The following PTPN23 variants were observed in gnomAD, a reference collection of about 807,000 sequenced individuals.
PTPN23 encodes the protein protein tyrosine phosphatase non-receptor type 23, also known as tyrosine-protein phosphatase non-receptor type 23.
Under a neutral mutation model 156.3 loss-of-function variants are expected in PTPN23, and 72 were observed. The observed-to-expected ratio is 0.46, with a 90% CI of 0.38 to 0.56. PTPN23 has a LOEUF of 0.56. PTPN23 is among the 20% of genes least tolerant of loss of function. PTPN23 has a pLI of 0.00. For missense variants in PTPN23, 1,974 were observed against 2,171.5 expected (o/e 0.91, Z 1.81); for synonymous variants, 957 against 899.6 (o/e 1.06, Z -1.14).
intron 23 of PTPN23, 27 bp from the exon 24 acceptor site, chr3:47,412,487 C>G (rs1270164328): frequency 6.2e-7 from 1 of 1,611,706 alleles, no homozygotes; most frequent in Non-Finnish European, 8.5e-7. Context: ...CCCTGCCCAG[C>G]TGACCTGGCC....
rs1213907326 is a variant in PTPN23 at position 47,411,550 on chromosome 3, G to C, written c.3752G>C (p.Gly1251Ala). Residue 1251 changes from glycine to alanine, a missense_variant, in exon 20 of 25, where the codon GGG becomes GCG. Around this residue, in one of 4 missense-constraint regions of PTPN23, gnomAD observed 484 missense variants for 516.0 expected, o/e 0.94. Transcript: ENST00000265562. This position sits in a 1 kb window ranked among gnomAD's most constrained non-coding sequence, Gnocchi z 6.3. ...DDYINASCVE[G>A]LSPYCPPLVA... The stretch of plus-strand genomic sequence containing the variant: ...TACATCAATGCCAGCTGCGTGGAGG[G>C]GCTCTCCCCATACTGCCCCCCGCTA... 6.2e-7 allele frequency: 1 copy of C among 1,612,800 alleles called. No homozygotes were observed. The highest frequency in any genetic ancestry group is 2.2e-5 in the East Asian group (1 of 44,880).
Position 47,405,344 on chromosome 3 carries a change from C to T in PTPN23, c.364+263C>T. ...GTGTGCTCTGTCTGGGAGAGAGGGC[C>T]TTTCTTCTTTGACTGGACAGCCCCT... is the stretch of plus-strand genomic sequence containing the variant. On this transcript the variant is annotated intron_variant, in intron 4 of 24. Transcript: ENST00000265562. This position sits in a 1 kb window ranked among gnomAD's most constrained non-coding sequence, Gnocchi z 4.7. 1 of 554,358 alleles carries T rather than the reference C, an allele frequency of 1.8e-6. No individual in the cohort carries two copies. Among genetic ancestry groups the T allele is most frequent in the Non-Finnish European group, 3.2e-6 (1 of 308,782 alleles). The allele number at this position is 554,358 out of a possible 1,614,324, so 34.3% of individuals were successfully genotyped here. A position where few individuals can be genotyped will look rare whatever the true frequency, so the allele number is the denominator to read the frequency against.
At position 47,413,280 on chromosome 3, in the gene PTPN23, T is replaced by C; in HGVS notation, c.*95T>C. On this transcript the variant is annotated 3_prime_UTR_variant, in exon 25 of 25. Transcript: ENST00000265562. ...GAGCTTCTCAGTGGGCACAGTCTCTTACTCCCATTTCTGCTGCCTTTGGCC... is the reference window on the plus strand; with the variant it reads ...GAGCTTCTCAGTGGGCACAGTCTCTCACTCCCATTTCTGCTGCCTTTGGCC... 4 of 1,486,728 alleles carry C rather than the reference T, an allele frequency of 2.7e-6. No homozygotes were observed. Among genetic ancestry groups the C allele is most frequent in the South Asian group, 2.6e-5 (2 of 76,846 alleles). 92.1% of individuals were successfully genotyped at this position (1,486,728 alleles called of 1,614,324 possible).
At chr3:47,400,851 G>C (rs1490386544) in intron 2 of PTPN23, among the ~76,000 whole-genome samples, 1 of 152,040 alleles carries the variant, frequency 6.6e-6, no homozygotes, top group East Asian at 1.9e-4. Flanking sequence ...TGGGATTATA[G>C]GTGTGAGCCA....
In PTPN23 at chr3:47,411,424, G is replaced by A. The variant is rs527749239; in HGVS notation, c.3626G>A (p.Arg1209His). ...GCGCAGGAACATGATGCCCGAGGCC[G>A]TTCCATCGCCATTGCCCGCTGCTAC... is the stretch of plus-strand genomic sequence containing the variant. Reference protein sequence around the residue: ...QDAQEHDARGRSIAIARCYSL... With the variant: ...QDAQEHDARGHSIAIARCYSL... Residue 1209 changes from arginine to histidine, a missense_variant, in exon 20 of 25, where the codon CGT (arginine) becomes CAT (histidine). Coordinates refer to ENST00000265562, the MANE Select transcript of PTPN23 (RefSeq NM_015466.4). The surrounding 1 kb of genome is among the most constrained non-coding windows in gnomAD (Gnocchi z 6.3). 4.8e-5 allele frequency: 78 copies of A among 1,613,096 alleles called. No individual in the cohort carries two copies. In the South Asian group the frequency reaches 7.1e-4, roughly 15 times the overall value.
At chr3:47,388,128 C>T (rs1704692386) in intron 1 of PTPN23, among the ~76,000 whole-genome samples, 1 of 152,220 alleles carries the variant, frequency 6.6e-6, no homozygotes, top group Admixed American at 6.5e-5. Context: ...ATGTAGTCCT[C>T]ACTTTTCTTA....
At position 47,409,014 on chromosome 3, in the gene PTPN23, C is replaced by T. The variant is rs542502219; in HGVS notation, c.1569C>T (p.Val523=). The stretch of plus-strand genomic sequence containing the variant: ...TGCACCGTGCCATGAACCTGCACGT[C>T]GGCAACCTGCGCCTGCTCAGCGGGC... ...SELHRAMNLH[V]GNLRLLSGPL... Residue 523 remains valine, a synonymous_variant, in exon 16 of 25, where the codon GTC becomes GTT. Transcript: ENST00000265562. 7.9e-5 allele frequency: 127 copies of T among 1,614,050 alleles called. 3 individuals are homozygous for T. In the South Asian group the frequency reaches 8.3e-4, roughly 11 times the overall value.
Position 47,409,058 on chromosome 3 carries a change from C to T in PTPN23, c.1613C>T (p.Ala538Val). ...AGCGGGCCGCTTGACCAGGTCCGGGCTGCCCTGCCCACACCGGCCCTCTCC... is the reference window on the plus strand; with the variant it reads ...AGCGGGCCGCTTGACCAGGTCCGGGTTGCCCTGCCCACACCGGCCCTCTCC... ...LLSGPLDQVR[A>V]ALPTPALSPE... The change falls in exon 16 of 25, where the codon GCT becomes GTT. Residue 538 changes from alanine to valine, a missense_variant. Physicochemically the swap from Ala to Val is moderately conservative, Grantham distance 64 (BLOSUM62 0). Around this residue, in one of 4 missense-constraint regions of PTPN23, gnomAD observed 726 missense variants for 929.5 expected, o/e 0.78. Coordinates refer to ENST00000265562, the MANE Select transcript of PTPN23 (RefSeq NM_015466.4). The T allele has an allele frequency of 6.2e-7, 1 of 1,612,942 alleles. No individual in the cohort carries two copies. The highest frequency in any genetic ancestry group is 8.5e-7 in the Non-Finnish European group (1 of 1,179,404).
At chr3:47,394,589 T>G (rs1704841709) in intron 1 of PTPN23, among the ~76,000 whole-genome samples, 1 of 152,158 alleles carries the variant, frequency 6.6e-6, no homozygotes, top group Non-Finnish European at 1.5e-5. Context: ...TCCTCCCACC[T>G]TGGCCACCCA....
Position 47,412,420 on chromosome 3 carries a change from A to T in PTPN23, c.4316A>T (p.Lys1439Met), listed in dbSNP as rs759186460. ...RQQRKHMLQE[K>M]LHLRFCYEAV... ...CAGAGAAAGCACATGCTGCAGGAGAAGGTGAGGATCTGGGCAGATGGGGCT... is the reference window on the plus strand; with the variant it reads ...CAGAGAAAGCACATGCTGCAGGAGATGGTGAGGATCTGGGCAGATGGGGCT... Residue 1439 changes from lysine (K) to methionine (M), a missense_variant and splice_region_variant, in exon 23 of 25, where the codon AAG becomes ATG. Lys to Met is a moderately conservative substitution (Grantham distance 95, BLOSUM62 -1). Around this residue, in one of 4 missense-constraint regions of PTPN23, gnomAD observed 484 missense variants for 516.0 expected, o/e 0.94. Coordinates refer to ENST00000265562, the MANE Select transcript of PTPN23 (RefSeq NM_015466.4). 9.9e-6 allele frequency: 16 copies of T among 1,612,762 alleles called. No individual in the cohort carries two copies. Among genetic ancestry groups the T allele is most frequent in the East Asian group, 2.2e-5 (1 of 44,888 alleles).
chr3:47,399,493 A>G (rs1048474057), intron 2 of PTPN23, among the ~76,000 whole-genome samples: 2 of 152,164 alleles, frequency 1.3e-5, no homozygotes, highest in South Asian at 4.1e-4. Flanking sequence ...CTAGTGAGAT[A>G]ATCTTAGCCC....
intron 2 of PTPN23, among the ~76,000 whole-genome samples, chr3:47,403,515 G>A (rs1238797507): frequency 6.6e-6 from 1 of 152,038 alleles, no homozygotes; most frequent in African/African-American, 2.4e-5. Flanking sequence ...GAATTTTGGT[G>A]GGTATCCAGT....
rs1047328488 is a variant in PTPN23 at position 47,405,111 on chromosome 3, T to A, written c.364+30T>A. 1.2e-5 allele frequency: 19 copies of A among 1,601,324 alleles called. No individual in the cohort carries two copies. In the African/African-American group the frequency reaches 2.4e-4, roughly 20 times the overall value. ...GCTGCCTGATCCCTTCCCCCGGCCC[T>A]ACTCCCCAGTCCTGCCAGCCTAGCT... is the stretch of plus-strand genomic sequence containing the variant. On this transcript the variant is annotated intron_variant, in intron 4 of 24. Transcript: ENST00000265562. The surrounding 1 kb of genome is among the most constrained non-coding windows in gnomAD (Gnocchi z 4.7).
intron 1 of PTPN23, among the ~76,000 whole-genome samples, chr3:47,388,657 A>G (rs1335579579): frequency 6.9e-6 from 1 of 144,506 alleles, no homozygotes; most frequent in African/African-American, 2.5e-5. Context: ...TGCTGTCACT[A>G]CTAGATCTTT....
At position 47,408,357 on chromosome 3, in the gene PTPN23, T is replaced by C; in HGVS notation, c.1197T>C (p.Asp399=). Residue 399 remains aspartate (D), a synonymous_variant, in exon 15 of 25, where the codon GAT becomes GAC. Coordinates refer to ENST00000265562, the MANE Select transcript of PTPN23 (RefSeq NM_015466.4). ...DKNEVLDQFM[D]SMQLDPETVD... ...TTGCTCCCCACAGCCAGTTCATGGA[T>C]TCAATGCAGTTGGATCCCGAGACGG... 3.1e-6 allele frequency: 5 copies of C among 1,613,912 alleles called. No homozygotes were observed. The highest frequency in any genetic ancestry group is 4.2e-6 in the Non-Finnish European group (5 of 1,179,892).
intron 1 of PTPN23, among the ~76,000 whole-genome samples, chr3:47,395,088 CA>C (rs971393801): frequency 2.0e-5 from 3 of 152,218 alleles, no homozygotes; most frequent in African/African-American, 7.2e-5. Flanking sequence ...GCTCACCAGG[CA>C]GACAGAAGCT....
intron 2 of PTPN23, among the ~76,000 whole-genome samples, chr3:47,400,800 T>C (rs1175343384): frequency 6.6e-6 from 1 of 152,124 alleles, no homozygotes; most frequent in African/African-American, 2.4e-5. Context: ...TCTCAAACTC[T>C]CAACCTCAGG....
At chr3:47,381,236 G>C in intron 1 of PTPN23, 56 bp downstream of exon 1, 1 of 1,545,738 alleles carries the variant, frequency 6.5e-7, no homozygotes, top group South Asian at 1.2e-5. Flanking sequence ...TCGTCTGCAA[G>C]CGCGTGACGC....
At chr3:47,404,883 G>A in intron 3 of PTPN23, 104 bp downstream of exon 3, 1 of 1,574,480 alleles carries the variant, frequency 6.4e-7, no homozygotes, top group Non-Finnish European at 8.7e-7. Context: ...GATGGGGAAT[G>A]GCCTCATATG....
Sources: gnomAD v4.1 joint callset for allele counts (sites outside exome capture counted in the v4.1 genomes callset) on GRCh38, gnomAD v4.1.1 for gene constraint, gnomAD v4.1.1 regional missense constraint, Gnocchi (gnomAD v3.1) non-coding constraint, MANE v1.5 for transcripts, NCBI Gene and HGNC (gene_info 2026-07-23, HGNC 2026-07-21) for gene names.